Variants in ING5 observed in about 807,000 individuals in gnomAD.
ING5 encodes the protein inhibitor of growth protein 5.
ING5 carries 17 observed loss-of-function variants against 37.4 expected under a neutral mutation model. The observed-to-expected ratio is 0.45, with a 90% CI of 0.31 to 0.68. The LOEUF (loss-of-function observed/expected upper bound fraction) is 0.68, where lower values mean the gene tolerates loss of function less well. ING5 is among the 30% of genes least tolerant of loss of function. The pLI is 0.05. For synonymous variants in ING5, 123 were observed against 116.6 expected (o/e 1.06, Z -0.36); for missense variants, 233 against 311.9 (o/e 0.75, Z 1.91).
At chr2:241,723,331 C>T in intron 7 of ING5, 60 bp downstream of exon 7, 1 of 1,558,248 alleles carries the variant, frequency 6.4e-7, no homozygotes, top group Non-Finnish European at 8.9e-7. Context: ...CGCTGCTGGC[C>T]TCCCCAGGAG....
intron 2 of ING5, among the ~76,000 whole-genome samples, chr2:241,690,817 C>A (rs201230271): frequency 6.5e-5 from 9 of 138,404 alleles, no homozygotes; most frequent in Admixed American, 2.2e-4. Flanking sequence ...TTTTTTTTTT[C>A]TTTTTTTCCC....
rs1269512459 is a variant in ING5, at chr2:241,709,249, A to G, written c.143A>G (p.Glu48Gly). The G allele has an allele frequency of 6.2e-7, 1 of 1,613,514 alleles. No homozygotes were observed. The highest frequency in any genetic ancestry group is 8.5e-7 in the Non-Finnish European group (1 of 1,179,862). ...KKAEIDILAA[E>G]YISTVKTLSP... The stretch of plus-strand genomic sequence containing the variant: ...GCAGAGATTGACATCCTGGCTGCAG[A>G]GTACATCTCCACGGTGAAGACGCTG... Residue 48 changes from glutamate to glycine, a missense_variant, in exon 3 of 8, where the codon GAG (glutamate) becomes GGG (glycine). By Grantham distance (98) the Glu-to-Gly change is moderately conservative. Around this residue, in one of 4 missense-constraint regions of ING5, gnomAD observed 93 missense variants for 99.7 expected, o/e 0.93. Coordinates refer to ENST00000313552, the MANE Select transcript of ING5 (RefSeq NM_032329.6).
intron 2 of ING5, among the ~76,000 whole-genome samples, chr2:241,692,948 T>C (rs1187018457): frequency 2.0e-5 from 3 of 152,122 alleles, no homozygotes; most frequent in African/African-American, 7.2e-5. Flanking sequence ...CCTATCACAT[T>C]AGGACTTCAT....
upstream of ING5, among the ~76,000 whole-genome samples, chr2:241,699,038 T>TGGGGGGGGG (rs570586792): frequency 9.3e-5 from 13 of 139,122 alleles, no homozygotes; most frequent in African/African-American, 3.6e-4. Flanking sequence ...AATTTTTTTT[T>TGGGGGGGGG]GGGGGGGGAG....
intron 1 of ING5, among the ~76,000 whole-genome samples, chr2:241,689,563 T>G (rs34251329): frequency 0.087 from 13,226 of 152,172 alleles, 683 homozygotes; most frequent in South Asian, 0.14. Context: ...ACACAGCATG[T>G]GCACAGTGAG....
At chr2:241,687,498 A>G in exon 1 of ING5, 1 of 396,856 alleles carries the variant, frequency 2.5e-6, no homozygotes, top group Non-Finnish European at 4.4e-6. Flanking sequence ...GCAAAACTGC[A>G]GGGCTCTGGA....
intron 5 of ING5, chr2:241,721,688 G>A (rs2070441330): frequency 3.0e-6 from 3 of 985,316 alleles, no homozygotes; most frequent in Middle Eastern, 5.2e-4. Context: ...TGGGTTGGAG[G>A]GTGGGATAGG....
chr2:241,723,410 T>A, intron 7 of ING5, 139 bp downstream of exon 7: 1 of 938,122 alleles, frequency 1.1e-6, no homozygotes, highest in Non-Finnish European at 1.7e-6. Context: ...TGCCCCACTG[T>A]GGCCTCAAGG....
At chr2:241,702,386 C>T (rs2124873502) in intron 1 of ING5, among the ~76,000 whole-genome samples, 1 of 151,084 alleles carries the variant, frequency 6.6e-6, no homozygotes, top group African/African-American at 2.4e-5. Context: ...GGCCTCGACC[C>T]CGCCCACATA....
At chr2:241,713,673 A>G (rs776274683) in intron 5 of ING5, among the ~76,000 whole-genome samples, 2 of 147,160 alleles carry the variant, frequency 1.4e-5, no homozygotes, top group Non-Finnish European at 3.0e-5. Flanking sequence ...GCCCAGCCCC[A>G]ATTTTCAGTT....
In ING5 at chr2:241,709,362, G is replaced by A; in HGVS notation, c.256G>A (p.Ala86Thr). The A allele has an allele frequency of 1.2e-6, 2 of 1,613,330 alleles. No individual in the cohort carries two copies. The highest frequency in any genetic ancestry group is 1.7e-6 in the Non-Finnish European group (2 of 1,179,834). The change falls in exon 3 of 8, where the codon GCC becomes ACC. Residue 86 changes from alanine (A) to threonine (T), a missense_variant. By Grantham distance (58) the Ala-to-Thr change is moderately conservative (BLOSUM62 0). Coordinates refer to ENST00000313552, the MANE Select transcript of ING5 (RefSeq NM_032329.6). ...KEYSDDKVQL[A>T]MQTYEMVDKH... is the part of the protein sequence containing the mutation. Reference sequence around the variant, plus strand: ...ATACAGTGACGACAAAGTGCAGCTGGCCATGCAGACCTACGAGATGGTGAG... The same window carrying A: ...ATACAGTGACGACAAAGTGCAGCTGACCATGCAGACCTACGAGATGGTGAG...
Position 241,727,622 on chromosome 2 carries a change from A to C in ING5, c.*2591A>C, listed in dbSNP as rs1691677037. ...GAGCCACCGCACCCGGCCAACACAG[A>C]TGTTTATTGATCGTGGAGGATACAT... On this transcript the variant is annotated 3_prime_UTR_variant, in exon 8 of 8. Transcript: ENST00000313552. 6.6e-6 allele frequency: 1 copy of C among 152,268 alleles called. No homozygotes were observed. The highest frequency in any genetic ancestry group is 2.4e-5 in the African/African-American group (1 of 41,464). The allele number at this position is 152,268 out of a possible 1,614,324, so 9.4% of individuals were successfully genotyped here.
At chr2:241,721,474 T>C (rs575171390) in intron 5 of ING5, 1 of 985,538 alleles carries the variant, frequency 1.0e-6, no homozygotes, top group East Asian at 1.1e-4. Context: ...GCCGGGTGCA[T>C]GCTGAGCCCG....
At chr2:241,705,860 C>T (rs892355902) in intron 2 of ING5, among the ~76,000 whole-genome samples, 8 of 152,168 alleles carry the variant, frequency 5.3e-5, no homozygotes, top group African/African-American at 1.9e-4. Flanking sequence ...GCTCCCCCAT[C>T]TCCTGGCTGT....
upstream of ING5, among the ~76,000 whole-genome samples, chr2:241,698,165 C>A (rs2069657880): frequency 6.9e-6 from 1 of 145,252 alleles, no homozygotes; most frequent in African/African-American, 2.6e-5. Flanking sequence ...ATGTATCGGG[C>A]CCGCCGTGGT....
chr2:241,699,549 G>A (rs1484503293), upstream of ING5, among the ~76,000 whole-genome samples: 7 of 151,986 alleles, frequency 4.6e-5, no homozygotes, highest in East Asian at 3.9e-4. Context: ...GTGATCATAC[G>A]GATTTGAGTC....
upstream of ING5, among the ~76,000 whole-genome samples, chr2:241,700,302 G>A (rs1278557195): frequency 6.6e-6 from 1 of 151,094 alleles, no homozygotes; most frequent in Non-Finnish European, 1.5e-5. Flanking sequence ...GATTACAGGC[G>A]CCCGCCACCA....
At chr2:241,714,849 A>T (rs948421409) in intron 5 of ING5, among the ~76,000 whole-genome samples, 1 of 151,642 alleles carries the variant, frequency 6.6e-6, no homozygotes, top group Non-Finnish European at 1.5e-5. Context: ...GCCTGCCTCA[A>T]CCTCTCCGTG....
chr2:241,693,368 C>T (rs1466858956), intron 2 of ING5, among the ~76,000 whole-genome samples: 1 of 151,984 alleles, frequency 6.6e-6, no homozygotes, highest in Non-Finnish European at 1.5e-5. Context: ...TCCATGTCCT[C>T]ACCTGCTCCC....
Sources: allele counts gnomAD v4.1 joint callset (sites outside exome capture counted in the v4.1 genomes callset), GRCh38; gene constraint gnomAD v4.1.1; regional missense constraint gnomAD v4.1.1; transcripts MANE v1.5; gene names NCBI Gene and HGNC (gene_info 2026-07-23, HGNC 2026-07-21).